Variants in PTPRN2 observed in about 807,000 individuals in gnomAD.
PTPRN2 encodes the protein receptor-type tyrosine-protein phosphatase N2.
Under a neutral mutation model 118.8 loss-of-function variants are expected in PTPRN2, and 74 were observed. The observed-to-expected ratio is 0.62, with a 90% CI of 0.52 to 0.76. PTPRN2 has a LOEUF of 0.76. PTPRN2 is among the 30% of genes least tolerant of loss of function. PTPRN2 has a pLI of 0.00. For synonymous variants in PTPRN2, 641 were observed against 608.0 expected (o/e 1.05, Z -0.80); for missense variants, 1,481 against 1,394.4 (o/e 1.06, Z -0.99).
At chr7:158,059,396 G>C (rs1254034995) in intron 11 of PTPRN2, among the ~76,000 whole-genome samples, 1 of 78,806 alleles carries the variant, frequency 1.3e-5, no homozygotes, top group Admixed American at 1.5e-4. Flanking sequence ...ATCTGCCCAC[G>C]GTGACACATC....
chr7:157,616,489 T>C (rs1802782736), intron 15 of PTPRN2: 1 of 152,226 alleles, frequency 6.6e-6, no homozygotes, highest in Non-Finnish European at 1.5e-5. Context: ...GAACAGCTTC[T>C]GCCTGTGAGG....
chr7:157,941,982 C>T lies in PTPRN2; in HGVS notation c.1724-43245G>A, dbSNP rs142829289. On this transcript the variant is annotated intron_variant, in intron 11 of 22. Coordinates refer to ENST00000389418, the MANE Select transcript of PTPRN2 (RefSeq NM_002847.5). ...GCACACCCTCCACACACGGGGGTCC[C>T]CAGCACACCTTCAAATATGGGGGTC... is the stretch of plus-strand genomic sequence containing the variant. 4.8e-3 allele frequency among the ~76,000 whole-genome samples: 684 copies of T among 142,850 alleles called. 14 individuals carry two copies. The highest frequency in any genetic ancestry group is 0.039 in the South Asian group (172 of 4,404). 93.7% of individuals were successfully genotyped at this position (142,850 alleles called of 152,430 possible).
intron 3 of PTPRN2, among the ~76,000 whole-genome samples, chr7:158,290,659 C>T (rs1371657336): frequency 2.6e-5 from 4 of 152,142 alleles, no homozygotes; most frequent in Non-Finnish European, 4.4e-5. Flanking sequence ...CTTTCCTTCC[C>T]CCACATAGAG....
At chr7:158,085,933 C>T (rs1388809778) in intron 10 of PTPRN2, among the ~76,000 whole-genome samples, 20 of 149,632 alleles carry the variant, frequency 1.3e-4, no homozygotes, top group Non-Finnish European at 1.8e-4. Flanking sequence ...ACACCCATGA[C>T]GCCCATCCAC....
intron 1 of PTPRN2, among the ~76,000 whole-genome samples, chr7:158,530,983 T>TGTG (rs1491272661): frequency 6.6e-6 from 1 of 152,108 alleles, no homozygotes; most frequent in African/African-American, 2.4e-5. Context: ...TGTATGCGGA[T>TGTG]GTGTGTGGCC....
intron 3 of PTPRN2, among the ~76,000 whole-genome samples, chr7:158,310,460 C>T (rs1356343004): frequency 6.6e-6 from 1 of 152,214 alleles, no homozygotes; most frequent in Non-Finnish European, 1.5e-5. Flanking sequence ...GGACCATGGC[C>T]GAATGCGTTC....
intron 1 of PTPRN2, among the ~76,000 whole-genome samples, chr7:158,571,447 C>T (rs1828023677): frequency 6.8e-6 from 1 of 146,292 alleles, no homozygotes; most frequent in African/African-American, 2.5e-5. Context: ...CACTGCACTC[C>T]AGCCTGGGTA....
intron 14 of PTPRN2, among the ~76,000 whole-genome samples, chr7:157,654,594 A>AC (rs1399464499): frequency 2.6e-5 from 4 of 151,738 alleles, no homozygotes; most frequent in Middle Eastern, 3.4e-3. Flanking sequence ...GCCCTCGATG[A>AC]CCCCCCAACA....
chr7:158,409,648 G>A (rs1309599176), intron 2 of PTPRN2, among the ~76,000 whole-genome samples: 1 of 152,138 alleles, frequency 6.6e-6, no homozygotes, highest in Non-Finnish European at 1.5e-5. Flanking sequence ...TGGCTGTGAG[G>A]GTTCCGGGGG....
chr7:157,760,422 C>T (rs1004983669), intron 12 of PTPRN2, among the ~76,000 whole-genome samples: 3 of 152,006 alleles, frequency 2.0e-5, no homozygotes, highest in East Asian at 1.9e-4. Context: ...AGGCTCATGA[C>T]GCAAATAAAA....
At chr7:157,879,396 C>G (rs145878445) in intron 12 of PTPRN2, among the ~76,000 whole-genome samples, 7 of 148,668 alleles carry the variant, frequency 4.7e-5, no homozygotes, top group Non-Finnish European at 8.8e-5. Flanking sequence ...CACACACACT[C>G]GTGCACGCAC....
At chr7:157,584,172 A>G (rs1328980319) in intron 17 of PTPRN2, among the ~76,000 whole-genome samples, 1 of 152,210 alleles carries the variant, frequency 6.6e-6, no homozygotes, top group African/African-American at 2.4e-5. Context: ...GTGAAACGCC[A>G]GGCCATTTTC....
chr7:158,328,506 A>G (rs1302143533), intron 2 of PTPRN2, among the ~76,000 whole-genome samples: 2 of 152,210 alleles, frequency 1.3e-5, no homozygotes, highest in Non-Finnish European at 2.9e-5. Context: ...AGCACAGCCT[A>G]TGCATCTGCA....
chr7:158,393,739 A>C (rs1037398021), intron 2 of PTPRN2, among the ~76,000 whole-genome samples: 15 of 152,138 alleles, frequency 9.9e-5, no homozygotes, highest in Non-Finnish European at 1.6e-4. Flanking sequence ...AACACTGGTG[A>C]AGAAGGAATC....
intron 2 of PTPRN2, among the ~76,000 whole-genome samples, chr7:158,326,480 C>T (rs1240417665): frequency 6.6e-6 from 1 of 152,244 alleles, no homozygotes; most frequent in Non-Finnish European, 1.5e-5. Flanking sequence ...CAAGCAACCA[C>T]ATACACAGAC....
chr7:158,058,419 A>G (rs1400058434), intron 11 of PTPRN2, among the ~76,000 whole-genome samples: 13 of 124,024 alleles, frequency 1.0e-4, no homozygotes, highest in African/African-American at 1.4e-4. Flanking sequence ...CTGCAGCCAC[A>G]CTCCATCTGC....
At chr7:157,815,867 C>G (rs1282920913) in intron 12 of PTPRN2, among the ~76,000 whole-genome samples, 1 of 152,260 alleles carries the variant, frequency 6.6e-6, no homozygotes, top group East Asian at 1.9e-4. Flanking sequence ...CAGGCGGTGA[C>G]ACGTTGCAGA....
At chr7:158,322,011 C>G (rs115733254) in intron 2 of PTPRN2, among the ~76,000 whole-genome samples, 1,840 of 152,304 alleles carry the variant, frequency 0.012, 40 homozygotes, top group African/African-American at 0.042. Context: ...CGGCTTCGTG[C>G]CTTCTCCCTC....
At chr7:157,818,004 G>A (rs1462551137) in intron 12 of PTPRN2, among the ~76,000 whole-genome samples, 1 of 151,774 alleles carries the variant, frequency 6.6e-6, no homozygotes, top group South Asian at 2.1e-4. Context: ...TTGTGCGTGG[G>A]GCATGTGTGC....
Sources: gnomAD v4.1 joint callset for allele counts (sites outside exome capture counted in the v4.1 genomes callset) on GRCh38, gnomAD v4.1.1 for gene constraint, MANE v1.5 for transcripts, NCBI Gene and HGNC (gene_info 2026-07-23, HGNC 2026-07-21) for gene names.